The following TATDN1 variants were observed in gnomAD, a reference collection of about 807,000 sequenced individuals.
TATDN1 encodes the protein TatD DNase domain containing 1, also known as deoxyribonuclease TATDN1.
TATDN1 carries 40 observed loss-of-function variants against 46.4 expected under a neutral mutation model. The ratio of observed to expected loss-of-function variants is 0.86; its 90% CI spans 0.67 to 1.12. TATDN1 has a LOEUF of 1.12. TATDN1 is among the 50% of genes most tolerant of loss of function. TATDN1 has a pLI of 0.00. For missense variants in TATDN1, 326 were observed against 348.4 expected (o/e 0.94, Z 0.51); for synonymous variants, 95 against 105.6 (o/e 0.90, Z 0.62).
rs1212919876 is a variant in TATDN1 at position 124,488,713 on chromosome 8, AC to A, written c.792-18del. 6.9e-7 allele frequency: 1 copy of A among 1,443,334 alleles called. No individual in the cohort carries two copies. 89.4% of individuals were successfully genotyped at this position (1,443,334 alleles called of 1,614,324 possible). A position where few individuals can be genotyped will look rare whatever the true frequency, so the allele number is the denominator to read the frequency against. Reference sequence around the variant, plus strand: ...AATATTTGACTAAAACAAAACAAAAACAAAAATGGTTAAATCTCCAAGTATA... The same window carrying A: ...AATATTTGACTAAAACAAAACAAAAAAAAAATGGTTAAATCTCCAAGTATA... On this transcript the variant is annotated intron_variant, in intron 11 of 11. Coordinates refer to ENST00000276692, the MANE Select transcript of TATDN1 (RefSeq NM_032026.4).
chr8:124,501,301 AC>A (rs965735543), intron 9 of TATDN1, among the ~76,000 whole-genome samples: 9 of 152,316 alleles, frequency 5.9e-5, no homozygotes, highest in African/African-American at 2.2e-4. Flanking sequence ...AACTGAACCA[AC>A]CCAGAAAAAG....
intron 8 of TATDN1, among the ~76,000 whole-genome samples, chr8:124,505,007 G>A (rs1447000464): frequency 2.7e-5 from 4 of 150,130 alleles, no homozygotes; most frequent in East Asian, 2.0e-4. Context: ...CGCCCGCCTC[G>A]GCCTCCCAAA....
intron 1 of TATDN1, among the ~76,000 whole-genome samples, chr8:124,532,551 T>C (rs551706270): frequency 6.6e-6 from 1 of 152,342 alleles, no homozygotes; most frequent in East Asian, 1.9e-4. Flanking sequence ...CCCAAAGTGC[T>C]AGGATTACAG....
intron 11 of TATDN1, among the ~76,000 whole-genome samples, chr8:124,493,573 A>G (rs1257684021): frequency 6.6e-6 from 1 of 152,208 alleles, no homozygotes; most frequent in Non-Finnish European, 1.5e-5. Flanking sequence ...TCTTAGATTT[A>G]TAGAGGCTGT....
chr8:124,490,046 A>C (rs1816830909), intron 11 of TATDN1: 1 of 152,370 alleles, frequency 6.6e-6, no homozygotes, highest in East Asian at 1.9e-4. Context: ...ATTAACATTT[A>C]AATTAAGACA....
In TATDN1 at chr8:124,493,876, T is replaced by C; in HGVS notation, c.748A>G (p.Ser250Gly). Reference sequence around the variant, plus strand: ...TTTCTGTCTTTTAAGCAGTGCCCACTTTCCCACTTCTTTTTGGTAGGAAAT... The same window carrying C: ...TTTCTGTCTTTTAAGCAGTGCCCACCTTCCCACTTCTTTTTGGTAGGAAAT... ...TAFPTKKKWE[S>G]GHCLKDRNEP... Residue 250 changes from serine (S) to glycine (G), a missense_variant, in exon 11 of 12, where the codon AGT becomes GGT. Ser to Gly is a moderately conservative substitution (Grantham distance 56). Coordinates refer to ENST00000276692, the MANE Select transcript of TATDN1 (RefSeq NM_032026.4). 6.2e-7 allele frequency: 1 copy of C among 1,611,884 alleles called. No individual in the cohort carries two copies. The highest frequency in any genetic ancestry group is 8.5e-7 in the Non-Finnish European group (1 of 1,179,852).
In TATDN1 at chr8:124,527,053, C is replaced by G. The variant is rs149539135; in HGVS notation, c.23-4051G>C. ...GAACTTTATTTCTTTTATTGACGTG[C>G]AACCTGCAGGCTGGGAAGCAGAGCC... On this transcript the variant is annotated intron_variant, in intron 1 of 11. Transcript: ENST00000276692. Among the ~76,000 whole-genome samples, 120 of 152,296 alleles carry G rather than the reference C, an allele frequency of 7.9e-4. 1 individual carries two copies. In the East Asian group the frequency reaches 0.016, roughly 20 times the overall value.
chr8:124,530,360 C>A (rs1820852466), intron 1 of TATDN1, among the ~76,000 whole-genome samples: 1 of 152,178 alleles, frequency 6.6e-6, no homozygotes, highest in South Asian at 2.1e-4. Flanking sequence ...GCAAATCCAG[C>A]AATCCAATAG....
chr8:124,511,546 G>A (rs893480962), intron 6 of TATDN1, among the ~76,000 whole-genome samples: 1 of 152,160 alleles, frequency 6.6e-6, no homozygotes, highest in Non-Finnish European at 1.5e-5. Flanking sequence ...ACAAGGAAAG[G>A]AGTGTAGCAT....
intron 8 of TATDN1, among the ~76,000 whole-genome samples, chr8:124,506,930 A>C (rs754527553): frequency 3.3e-5 from 5 of 152,062 alleles, no homozygotes; most frequent in Non-Finnish European, 5.9e-5. Context: ...TGGGAGGCTG[A>C]TGGGGGGAGG....
intron 6 of TATDN1, among the ~76,000 whole-genome samples, chr8:124,511,850 T>G (rs1038024983): frequency 6.6e-6 from 1 of 152,206 alleles, no homozygotes; most frequent in Non-Finnish European, 1.5e-5. Context: ...CATGTCACTA[T>G]GGGCTTTATG....
chr8:124,516,093 G>A (rs1225909791), intron 4 of TATDN1, 63 bp from the exon 5 acceptor site: 1 of 1,368,988 alleles, frequency 7.3e-7, no homozygotes, highest in Non-Finnish European at 9.7e-7. Context: ...TATTTATTAT[G>A]ATATTTAGAG....
chr8:124,520,423 C>G (rs1338043399), intron 3 of TATDN1, among the ~76,000 whole-genome samples: 1 of 148,726 alleles, frequency 6.7e-6, no homozygotes, highest in Non-Finnish European at 1.5e-5. Flanking sequence ...GGGGACAGAG[C>G]GAGACTCGCC....
chr8:124,503,326 G>C (rs937783750), intron 9 of TATDN1, among the ~76,000 whole-genome samples: 1 of 152,116 alleles, frequency 6.6e-6, no homozygotes, highest in Non-Finnish European at 1.5e-5. Flanking sequence ...CAAAATTATT[G>C]CTGCTACAAA....
chr8:124,488,519 TTCTTTATTGAAACTA>T lies in TATDN1; in HGVS notation c.*60_*74del. 2.7e-6 allele frequency: 2 copies of T among 743,948 alleles called. No individual in the cohort carries two copies. The highest frequency in any genetic ancestry group is 5.3e-5 in the East Asian group (2 of 37,660). The allele number at this position is 743,948 out of a possible 1,614,324, so 46.1% of individuals were successfully genotyped here. On this transcript the variant is annotated 3_prime_UTR_variant, in exon 12 of 12. Transcript: ENST00000276692. ...TTTCTTTAGACAACTTGCAGATAAT[TTCTTTATTGAAACTA>T]TCAGGAAGTTTTACTATGAAATTTT... is the stretch of plus-strand genomic sequence containing the variant.
At chr8:124,524,941 A>G (rs1820358329) in intron 1 of TATDN1, among the ~76,000 whole-genome samples, 2 of 152,090 alleles carry the variant, frequency 1.3e-5, no homozygotes, top group African/African-American at 4.8e-5. Flanking sequence ...AAAGGTCTAT[A>G]GGTCCTGGCT....
intron 1 of TATDN1, among the ~76,000 whole-genome samples, chr8:124,525,608 T>C (rs886880820): frequency 1.3e-5 from 2 of 152,128 alleles, no homozygotes; most frequent in Admixed American, 6.5e-5. Context: ...CAAAAACAAA[T>C]ATGAAAGCAT....
chr8:124,527,234 A>G lies in TATDN1; in HGVS notation c.23-4232T>C, dbSNP rs78608466. Among the ~76,000 whole-genome samples, 609 of 152,368 alleles carry G rather than the reference A, an allele frequency of 4.0e-3. 4 individuals are homozygous for G. The highest frequency in any genetic ancestry group is 0.014 in the African/African-American group (584 of 41,586). ...TCATGCGTGTATGATAAGCAAACAT[A>G]CATGTTACACAAACCCCATGTTCAC... On this transcript the variant is annotated intron_variant, in intron 1 of 11. Transcript: ENST00000276692.
intron 9 of TATDN1, among the ~76,000 whole-genome samples, chr8:124,501,627 A>G (rs942099123): frequency 6.6e-6 from 1 of 152,232 alleles, no homozygotes; most frequent in African/African-American, 2.4e-5. Flanking sequence ...ATTGAAAACA[A>G]AAGTTGAAGT....
Sources: allele counts gnomAD v4.1 joint callset (sites outside exome capture counted in the v4.1 genomes callset), GRCh38; gene constraint gnomAD v4.1.1; transcripts MANE v1.5; gene names NCBI Gene and HGNC (gene_info 2026-07-23, HGNC 2026-07-21).